The following NUCB1 variants were observed in gnomAD, a reference collection of about 807,000 sequenced individuals.
NUCB1 encodes nucleobindin-1.
A neutral mutation model predicts 61.2 loss-of-function variants in NUCB1; 47 were observed. The ratio of observed to expected loss-of-function variants is 0.77; its 90% CI spans 0.61 to 0.98. The LOEUF (loss-of-function observed/expected upper bound fraction) is 0.98, where lower values mean the gene tolerates loss of function less well. NUCB1 is among the 50% of genes least tolerant of loss of function. The pLI is 0.00. For missense variants in NUCB1, 583 were observed against 605.3 expected (o/e 0.96, Z 0.39); for synonymous variants, 234 against 243.1 (o/e 0.96, Z 0.35).
intron 3 of NUCB1, among the ~76,000 whole-genome samples, chr19:48,904,826 T>G (rs1473959892): frequency 6.6e-6 from 1 of 152,188 alleles, no homozygotes; most frequent in Non-Finnish European, 1.5e-5. Context: ...CTGACCATAC[T>G]GGTTTCTTCA....
At chr19:48,905,990 C>T (rs1485108438) in intron 4 of NUCB1, 105 bp downstream of exon 4, 7 of 1,224,400 alleles carry the variant, frequency 5.7e-6, no homozygotes, top group African/African-American at 4.5e-5. Flanking sequence ...GGCCTCCCTC[C>T]CCGCTGCGAA....
intron 4 of NUCB1, among the ~76,000 whole-genome samples, chr19:48,906,410 A>C (rs966794088): frequency 6.6e-6 from 1 of 151,870 alleles, no homozygotes; most frequent in African/African-American, 2.4e-5. Flanking sequence ...ACTCAAAAAA[A>C]AAAAAAAAAA....
At position 48,913,454 on chromosome 19, in the gene NUCB1, C is replaced by T. The variant is rs558035605; in HGVS notation, c.667-20C>T. 1 of 1,609,614 alleles carries T rather than the reference C, an allele frequency of 6.2e-7. No individual in the cohort carries two copies. The highest frequency in any genetic ancestry group is 8.5e-7 in the Non-Finnish European group (1 of 1,175,978). Reference sequence around the variant, plus strand: ...CATCCAGACTTCTTGCTCATGAGCTCCTGGCTCTCCCCTCCACAGGGCAGC... The same window carrying T: ...CATCCAGACTTCTTGCTCATGAGCTTCTGGCTCTCCCCTCCACAGGGCAGC... On this transcript the variant is annotated intron_variant, in intron 6 of 12. Transcript: ENST00000405315.
chr19:48,909,032 A>C (rs2122178047), intron 4 of NUCB1, among the ~76,000 whole-genome samples: 1 of 152,132 alleles, frequency 6.6e-6, no homozygotes, highest in East Asian at 1.9e-4. Context: ...TCAGCAACAG[A>C]ACTTGACTGT....
intron 1 of NUCB1, 98 bp downstream of exon 1, chr19:48,900,470 T>G: frequency 2.7e-6 from 1 of 371,816 alleles, no homozygotes; most frequent in Non-Finnish European, 4.9e-6. Context: ...TGGGTGCCAG[T>G]ACTTTAGGTC....
chr19:48,921,168 C>T lies in NUCB1; in HGVS notation c.1017C>T (p.His339=), dbSNP rs372201233. The change falls in exon 11 of 13, where the codon CAC becomes CAT. Residue 339 remains histidine (H), a synonymous_variant. Transcript: ENST00000405315. ...CTGCCCTGCAGACAGTGGAGATGCA[C>T]CCTGCCTACACCGAGGAAGAGCTGA... ...TGEGWETVEM[H]PAYTEEELRR... 3.7e-6 allele frequency: 6 copies of T among 1,610,196 alleles called. No individual in the cohort carries two copies. Among genetic ancestry groups the T allele is most frequent in the Middle Eastern group, 1.7e-4 (1 of 6,022 alleles).
At position 48,909,542 on chromosome 19, in the gene NUCB1, C is replaced by T. The variant is rs565035670; in HGVS notation, c.377-1607C>T. On this transcript the variant is annotated intron_variant, in intron 4 of 12. Transcript: ENST00000405315. ...GATTACAGGTGTGAGCCACCGCGCC[C>T]GGCCTATTATTATTTTGAGACAGGG... is the stretch of plus-strand genomic sequence containing the variant. 3.2e-4 allele frequency among the ~76,000 whole-genome samples: 48 copies of T among 151,772 alleles called. No individual in the cohort carries two copies. The South Asian group carries it at 7.5e-3, about 24-fold the overall frequency.
intron 7 of NUCB1, 94 bp from the exon 8 acceptor site, chr19:48,918,632 A>G (rs748277239): frequency 1.0e-6 from 1 of 955,236 alleles, no homozygotes; most frequent in African/African-American, 1.6e-5. Flanking sequence ...TCCTCTGATA[A>G]CAGACCCCAC....
At chr19:48,917,498 AT>A (rs34434500) in intron 7 of NUCB1, among the ~76,000 whole-genome samples, 80,179 of 148,936 alleles carry the variant, frequency 0.54, 23,908 homozygotes, top group South Asian at 0.74. Flanking sequence ...CAATTTTTAA[AT>A]TTTTTTTTTC....
intron 4 of NUCB1, 94 bp downstream of exon 4, chr19:48,905,979 AGG>A: frequency 7.7e-7 from 1 of 1,301,858 alleles, no homozygotes; most frequent in Non-Finnish European, 1.1e-6. Context: ...TAGGCAGGTG[AGG>A]CCTCCCTCCC....
chr19:48,911,865 T>A (rs1350147536), intron 5 of NUCB1, among the ~76,000 whole-genome samples: 2 of 152,026 alleles, frequency 1.3e-5, no homozygotes, highest in Non-Finnish European at 2.9e-5. Context: ...TATTGTTAAC[T>A]CCATTTTACA....
chr19:48,918,001 T>C (rs1265436340), intron 7 of NUCB1, among the ~76,000 whole-genome samples: 1 of 152,044 alleles, frequency 6.6e-6, no homozygotes, highest in Non-Finnish European at 1.5e-5. Flanking sequence ...TAGCGGCTAC[T>C]GTACTGGACA....
chr19:48,900,752 C>T, intron 1 of NUCB1, 34 bp from the exon 2 acceptor site: 1 of 1,604,428 alleles, frequency 6.2e-7, no homozygotes, highest in Non-Finnish European at 8.5e-7. Flanking sequence ...TTGGGACAGA[C>T]ATTATGCATT....
intron 2 of NUCB1, among the ~76,000 whole-genome samples, chr19:48,904,013 TATGGATGGGTGGGTGGGATGTATGG>T (rs1213782077): frequency 3.8e-4 from 41 of 106,658 alleles, no homozygotes; most frequent in African/African-American, 1.2e-3. Context: ...AGGATGTATG[TATGGATGGGTGGGTGGGATGTATGG>T]ATGGATGGGT....
chr19:48,907,635 C>T (rs2037426673), intron 4 of NUCB1, among the ~76,000 whole-genome samples: 1 of 152,166 alleles, frequency 6.6e-6, no homozygotes, highest in South Asian at 2.1e-4. Context: ...GGAAAGGTCA[C>T]GCATTCACAG....
At position 48,922,592 on chromosome 19, in the gene NUCB1, T is replaced by A. The variant is rs2037624557; in HGVS notation, c.*168T>A. ...TGCTGCCACCCCAGGTCCACCTGTC[T>A]CCACTTTCACAGCCTCCAAGTCTGT... On this transcript the variant is annotated 3_prime_UTR_variant, in exon 13 of 13. Coordinates refer to ENST00000405315, the MANE Select transcript of NUCB1 (RefSeq NM_006184.6). The A allele has an allele frequency of 1.7e-6, 1 of 601,474 alleles. No individual in the cohort carries two copies. The highest frequency in any genetic ancestry group is 2.8e-5 in the East Asian group (1 of 35,252). The allele number at this position is 601,474 out of a possible 1,614,324, so 37.3% of individuals were successfully genotyped here. A position where few individuals can be genotyped will look rare whatever the true frequency, so the allele number is the denominator to read the frequency against.
At chr19:48,917,464 T>C (rs2037553580) in intron 7 of NUCB1, among the ~76,000 whole-genome samples, 1 of 150,976 alleles carries the variant, frequency 6.6e-6, no homozygotes. Context: ...GCTGGGATCA[T>C]AGGTGCACAC....
intron 4 of NUCB1, among the ~76,000 whole-genome samples, chr19:48,910,452 G>A (rs1246976139): frequency 2.6e-5 from 4 of 151,396 alleles, no homozygotes; most frequent in African/African-American, 7.3e-5. Context: ...TTGGGAGGCC[G>A]AGGTGGGTGG....
rs139598075 is a variant in NUCB1, at chr19:48,911,210, G to A, written c.438G>A (p.Gln146=). 45 of 1,613,684 alleles carry A rather than the reference G, an allele frequency of 2.8e-5. No homozygotes were observed. In the African/African-American group the frequency reaches 5.7e-4, roughly 21 times the overall value. Residue 146 remains glutamine, a synonymous_variant, in exon 5 of 13, where the codon CAG becomes CAA. Coordinates refer to ENST00000405315, the MANE Select transcript of NUCB1 (RefSeq NM_006184.6). ...KQFEHLDPQN[Q]HTFEARDLEL... is the part of the protein sequence containing the mutation. ...TTGAACACCTGGACCCTCAGAACCA[G>A]CATACATTCGAGGCCCGCGACCTGG...
Sources: allele counts gnomAD v4.1 joint callset (sites outside exome capture counted in the v4.1 genomes callset), GRCh38; gene constraint gnomAD v4.1.1; transcripts MANE v1.5; gene names NCBI Gene and HGNC (gene_info 2026-07-23, HGNC 2026-07-21).